Variants in CYP26C1 observed in about 807,000 individuals in gnomAD.
CYP26C1 encodes cytochrome P450 26C1.
Under a neutral mutation model 39.1 loss-of-function variants are expected in CYP26C1, and 41 were observed. The observed-to-expected ratio is 1.05, with a 90% CI of 0.82 to 1.36. The LOEUF (loss-of-function observed/expected upper bound fraction) is 1.36, where lower values mean the gene tolerates loss of function less well. CYP26C1 is among the 40% of genes most tolerant of loss of function. The pLI, the probability that CYP26C1 is intolerant of heterozygous loss-of-function variation, is 0.00. For synonymous variants in CYP26C1, 362 were observed against 350.8 expected (o/e 1.03, Z -0.36); for missense variants, 833 against 752.0 (o/e 1.11, Z -1.26).
rs1220936869 is a variant in CYP26C1, at chr10:93,066,083, G to T, written c.989G>T (p.Gly330Val). 2.2e-6 allele frequency: 3 copies of T among 1,380,434 alleles called. No individual in the cohort carries two copies. Among genetic ancestry groups the T allele is most frequent in the South Asian group, 3.5e-5 (2 of 57,246 alleles). 85.5% of individuals were successfully genotyped at this position (1,380,434 alleles called of 1,614,324 possible). The part of the protein sequence containing the change: ...AKIREELVAQ[G>V]LGRACGCAPG... The stretch of plus-strand genomic sequence containing the variant: ...ATTCGGGAGGAGCTGGTGGCGCAGG[G>T]GCTGGGGCGCGCGTGCGGCTGCGCG... Residue 330 changes from glycine to valine, a missense_variant, in exon 5 of 6, where the codon GGG (glycine) becomes GTG (valine). Physicochemically the swap from Gly to Val is moderately radical, Grantham distance 109. Transcript: ENST00000651965.
Position 93,068,428 on chromosome 10 carries a change from G to C in CYP26C1, c.1300G>C (p.Gly434Arg). The change falls in exon 6 of 6, where the codon GGC becomes CGC. Residue 434 changes from glycine to arginine, a missense_variant. Gly to Arg is a moderately radical substitution (Grantham distance 125). Transcript: ENST00000651965. ...PPEGFDPERF[G>R]AAREDSRGAS... ...CGAAGGCTTCGATCCAGAGCGCTTCGGCGCAGCGCGCGAAGATTCCCGGGG... is the reference window on the plus strand; with the variant it reads ...CGAAGGCTTCGATCCAGAGCGCTTCCGCGCAGCGCGCGAAGATTCCCGGGG... 6.2e-7 allele frequency: 1 copy of C among 1,612,166 alleles called. No individual in the cohort carries two copies. Among genetic ancestry groups the C allele is most frequent in the Non-Finnish European group, 8.5e-7 (1 of 1,179,584 alleles).
At chr10:93,067,785 G>T (rs140445642) in intron 5 of CYP26C1, among the ~76,000 whole-genome samples, 7 of 152,298 alleles carry the variant, frequency 4.6e-5, no homozygotes, top group African/African-American at 1.7e-4. Context: ...TTCTTAAAGT[G>T]TGGTACCAAA....
At chr10:93,066,835 G>T (rs1444830908) in intron 5 of CYP26C1, among the ~76,000 whole-genome samples, 2 of 152,224 alleles carry the variant, frequency 1.3e-5, no homozygotes, top group Non-Finnish European at 2.9e-5. Flanking sequence ...CAAGGTTGAG[G>T]TCTAGAACTG....
intron 4 of CYP26C1, 190 bp downstream of exon 4, chr10:93,064,726 C>G: frequency 7.5e-7 from 1 of 1,331,088 alleles, no homozygotes; most frequent in Non-Finnish European, 9.6e-7. Context: ...CTGCAGCCTT[C>G]AGCCTCCAGC....
At position 93,062,212 on chromosome 10, in the gene CYP26C1, A is replaced by G. The variant is rs930331037; in HGVS notation, c.407A>G (p.Glu136Gly). The change falls in exon 2 of 6, where the codon GAG (glutamate) becomes GGG (glycine). Residue 136 changes from glutamate (E) to glycine (G), a missense_variant. By Grantham distance (98) the Glu-to-Gly change is moderately conservative. Transcript: ENST00000651965. ...GSHTLLGAVG[E>G]PHRRRRKVLA... ...CACACACTGCTAGGTGCGGTCGGCG[A>G]GCCGCACCGGCGGCGGCGCAAGGTG... The G allele has an allele frequency of 1.4e-5, 22 of 1,525,232 alleles. No homozygotes were observed. The African/African-American group carries it at 3.0e-4, about 21-fold the overall frequency. 94.5% of individuals were successfully genotyped at this position (1,525,232 alleles called of 1,614,324 possible). A position where few individuals can be genotyped will look rare whatever the true frequency, so the allele number is the denominator to read the frequency against.
rs1846796673 is a variant in CYP26C1, at chr10:93,064,453, G to C, written c.778G>C (p.Ala260Pro). The change falls in exon 4 of 6, where the codon GCT becomes CCT. Residue 260 changes from alanine (A) to proline (P), a missense_variant. Transcript: ENST00000651965. ...TTCTGAGAAGCTTCACGAGGACAAG[G>C]CTGCAGAGCCGGGTGATGCCCTCGA... ...AISEKLHEDKAAEPGDALDLI... is the reference protein window; with the variant it reads ...AISEKLHEDKPAEPGDALDLI... 2.5e-6 allele frequency: 4 copies of C among 1,614,172 alleles called. No individual in the cohort carries two copies. Among genetic ancestry groups the C allele is most frequent in the Non-Finnish European group, 3.4e-6 (4 of 1,180,034 alleles).
rs1846735472 is a variant in CYP26C1, at chr10:93,060,817, AGGGACAGGTGGGGCG to A, written c.-443_-429del. 1 of 197,286 alleles carries A rather than the reference AGGGACAGGTGGGGCG, an allele frequency of 5.1e-6. No homozygotes were observed. Among genetic ancestry groups the A allele is most frequent in the African/African-American group, 2.4e-5 (1 of 42,026 alleles). 12.2% of individuals were successfully genotyped at this position (197,286 alleles called of 1,614,324 possible). A position where few individuals can be genotyped will look rare whatever the true frequency, so the allele number is the denominator to read the frequency against. ...CCAAGAAGGGTTAAACGACTGGAGG[AGGGACAGGTGGGGCG>A]GGGGTCTGCAGACCAGGTTGGCAAC... On this transcript the variant is annotated 5_prime_UTR_variant, in exon 1 of 6. Coordinates refer to ENST00000651965, the MANE Select transcript of CYP26C1 (RefSeq NM_183374.3).
chr10:93,066,348 T>C, intron 5 of CYP26C1, 63 bp downstream of exon 5: 2 of 1,233,630 alleles, frequency 1.6e-6, no homozygotes, highest in East Asian at 3.3e-5. Flanking sequence ...GCCTGCCGCC[T>C]GCCGCCTGCC....
Position 93,061,065 on chromosome 10 carries a change from G to A in CYP26C1, c.-199G>A. 5.2e-6 allele frequency: 3 copies of A among 577,438 alleles called. No homozygotes were observed. Among genetic ancestry groups the A allele is most frequent in the Non-Finnish European group, 8.9e-6 (3 of 338,400 alleles). The allele number at this position is 577,438 out of a possible 1,614,324, so 35.8% of individuals were successfully genotyped here. A position where few individuals can be genotyped will look rare whatever the true frequency, so the allele number is the denominator to read the frequency against. ...CGAGGAAGGCACGTTCCCTAAGGGC[G>A]CACGGTCACTGCAGTCTTTCACCGT... On this transcript the variant is annotated 5_prime_UTR_variant, in exon 1 of 6. Transcript: ENST00000651965.
intron 3 of CYP26C1, chr10:93,063,205 G>A (rs1424485990): frequency 1.6e-6 from 2 of 1,290,250 alleles, no homozygotes; most frequent in Non-Finnish European, 9.8e-7. Flanking sequence ...TGTGACCTGG[G>A]GCTGGCCACA....
chr10:93,066,261 C>T lies in CYP26C1; in HGVS notation c.1167C>T (p.Thr389=). 1 of 1,443,026 alleles carries T rather than the reference C, an allele frequency of 6.9e-7. No individual in the cohort carries two copies. The highest frequency in any genetic ancestry group is 9.1e-7 in the Non-Finnish European group (1 of 1,099,902). 89.4% of individuals were successfully genotyped at this position (1,443,026 alleles called of 1,614,324 possible). A position where few individuals can be genotyped will look rare whatever the true frequency, so the allele number is the denominator to read the frequency against. Residue 389 remains threonine (T), a synonymous_variant, in exon 5 of 6, where the codon ACC becomes ACT. Coordinates refer to ENST00000651965, the MANE Select transcript of CYP26C1 (RefSeq NM_183374.3). The stretch of plus-strand genomic sequence containing the variant: ...CGCCAGTGTCCGGGGGCTACCGCAC[C>T]GCCCTGCGCACCTTCGAGCTCGACG... ...LLPPVSGGYR[T]ALRTFELDGY...
At chr10:93,068,239 G>A in intron 5 of CYP26C1, 81 bp from the exon 6 acceptor site, 2 of 1,415,642 alleles carry the variant, frequency 1.4e-6, no homozygotes, top group Admixed American at 2.9e-5. Context: ...CCTGATGGAA[G>A]CACCAGGGTG....
chr10:93,068,278 C>G, intron 5 of CYP26C1, 42 bp from the exon 6 acceptor site: 1 of 1,479,670 alleles, frequency 6.8e-7, no homozygotes, highest in East Asian at 2.5e-5. Flanking sequence ...CCCCCGTTTC[C>G]AGGTGCCTCG....
chr10:93,061,413 C>T lies in CYP26C1; in HGVS notation c.150C>T (p.Pro50=), dbSNP rs1590134487. The T allele has an allele frequency of 6.4e-7, 1 of 1,558,894 alleles. No individual in the cohort carries two copies. The highest frequency in any genetic ancestry group is 2.4e-5 in the East Asian group (1 of 41,790). ...SRDRASTLPL[P]KGSMGWPFFG... ...ACCGGGCCTCCACCCTGCCTCTGCCCAAGGGCTCCATGGGGTGGCCCTTCT... is the reference window on the plus strand; with the variant it reads ...ACCGGGCCTCCACCCTGCCTCTGCCTAAGGGCTCCATGGGGTGGCCCTTCT... Residue 50 remains proline, a synonymous_variant, in exon 1 of 6, where the codon CCC becomes CCT. Coordinates refer to ENST00000651965, the MANE Select transcript of CYP26C1 (RefSeq NM_183374.3).
chr10:93,064,282 T>C, intron 3 of CYP26C1, 99 bp from the exon 4 acceptor site: 1 of 1,470,432 alleles, frequency 6.8e-7, no homozygotes, highest in African/African-American at 1.4e-5. Flanking sequence ...AACACAAGGA[T>C]GTTGGCAGAG....
At chr10:93,064,923 T>TG (rs1846805137) in intron 4 of CYP26C1, among the ~76,000 whole-genome samples, 1 of 152,152 alleles carries the variant, frequency 6.6e-6, no homozygotes, top group African/African-American at 2.4e-5. Flanking sequence ...TCTAAGGGGC[T>TG]CAGGATCAAA....
rs759560256 is a variant in CYP26C1 at position 93,062,160 on chromosome 10, C to G, written c.355C>G (p.Gln119Glu). 8 of 1,540,550 alleles carry G rather than the reference C, an allele frequency of 5.2e-6. No individual in the cohort carries two copies. The Admixed American group carries it at 9.8e-5, about 19-fold the overall frequency. The change falls in exon 2 of 6, where the codon CAG (glutamine) becomes GAG (glutamate). Residue 119 changes from glutamine to glutamate, a missense_variant. Gln to Glu is a conservative substitution (Grantham distance 29). Transcript: ENST00000651965. ...EHRLVRSQWP[Q>E]SAHILLGSHT... is the part of the protein sequence containing the mutation. Reference sequence around the variant, plus strand: ...CCGCCTGGTGCGCAGCCAGTGGCCGCAGAGTGCGCACATCCTGCTGGGCTC... The same window carrying G: ...CCGCCTGGTGCGCAGCCAGTGGCCGGAGAGTGCGCACATCCTGCTGGGCTC...
rs988521627 is a variant in CYP26C1, at chr10:93,068,719, G to A, written c.*22G>A. The A allele has an allele frequency of 2.0e-6, 3 of 1,488,478 alleles. No homozygotes were observed. Among genetic ancestry groups the A allele is most frequent in the East Asian group, 2.5e-5 (1 of 40,708 alleles). The allele number at this position is 1,488,478 out of a possible 1,614,324, so 92.2% of individuals were successfully genotyped here. A position where few individuals can be genotyped will look rare whatever the true frequency, so the allele number is the denominator to read the frequency against. ...CTGACATGCTTGCGCTCTAGGACAC[G>A]GCTTGGCCGGTGGCTATGGCGCGCA... is the stretch of plus-strand genomic sequence containing the variant. On this transcript the variant is annotated 3_prime_UTR_variant, in exon 6 of 6. Coordinates refer to ENST00000651965, the MANE Select transcript of CYP26C1 (RefSeq NM_183374.3).
Position 93,068,534 on chromosome 10 carries a change from T to C in CYP26C1, c.1406T>C (p.Leu469Pro), listed in dbSNP as rs1846857736. The change falls in exon 6 of 6, where the codon CTC becomes CCC. Residue 469 changes from leucine (L) to proline (P), a missense_variant. By Grantham distance (98) the Leu-to-Pro change is moderately conservative (BLOSUM62 -3). Transcript: ENST00000651965. ...GGCCAGGAGCTGGCGCAAGCCGTGC[T>C]CCAGCTGCTAGCTGTGGAGCTAGTG... ...CLGQELAQAV[L>P]QLLAVELVRT... The C allele has an allele frequency of 6.2e-7, 1 of 1,601,504 alleles. No individual in the cohort carries two copies. Among genetic ancestry groups the C allele is most frequent in the Non-Finnish European group, 8.5e-7 (1 of 1,174,580 alleles).
Sources: allele counts gnomAD v4.1 joint callset (sites outside exome capture counted in the v4.1 genomes callset), GRCh38; gene constraint gnomAD v4.1.1; transcripts MANE v1.5; gene names NCBI Gene and HGNC (gene_info 2026-07-23, HGNC 2026-07-21).